Variants in GUCY2C observed in about 807,000 individuals in gnomAD.
GUCY2C encodes the protein guanylate cyclase 2C.
A neutral mutation model predicts 131.1 loss-of-function variants in GUCY2C; 118 were observed. That is an observed-to-expected ratio of 0.90 (90% CI 0.78 to 1.05). GUCY2C has a LOEUF of 1.05. GUCY2C is among the 50% of genes least tolerant of loss of function. The probability of loss-of-function intolerance (pLI) is 0.00; values close to 1 mark genes in which losing one functional copy is unlikely to be tolerated. For synonymous variants in GUCY2C, 452 were observed against 457.8 expected, an observed-to-expected ratio of 0.99 and a Z score of 0.16; for missense variants, 1,161 against 1,304.4, an observed-to-expected ratio of 0.89 and a Z score of 1.69.
In GUCY2C at chr12:14,613,326, T is replaced by C; in HGVS notation, c.3048-35A>G. 1.3e-6 allele frequency: 2 copies of C among 1,500,596 alleles called. No homozygotes were observed. Among genetic ancestry groups the C allele is most frequent in the Non-Finnish European group, 1.9e-6 (2 of 1,077,376 alleles). The allele number at this position is 1,500,596 out of a possible 1,614,324, so 93.0% of individuals were successfully genotyped here. The stretch of plus-strand genomic sequence containing the variant: ...GAGTGGGAAGAGAAAATAGAACTTC[T>C]CAGCAATTCATACAGAATATTCCTT... On this transcript the variant is annotated intron_variant, in intron 26 of 26. Transcript: ENST00000261170. This position sits in a 1 kb window ranked among gnomAD's most constrained non-coding sequence, Gnocchi z 4.9.
intron 24 of GUCY2C, among the ~76,000 whole-genome samples, chr12:14,618,360 A>T (rs1009321689): frequency 2.6e-5 from 4 of 152,080 alleles, no homozygotes; most frequent in African/African-American, 4.8e-5. Context: ...AGAAAAAATT[A>T]AAAAATTAGC....
chr12:14,694,622 C>A (rs753907215), intron 1 of GUCY2C, among the ~76,000 whole-genome samples: 1 of 152,172 alleles, frequency 6.6e-6, no homozygotes, highest in Non-Finnish European at 1.5e-5. Flanking sequence ...GGGGACTTCA[C>A]TAAATAACCT....
chr12:14,693,298 TG>T lies in GUCY2C; in HGVS notation c.217+2933del, dbSNP rs1040377442. Among the ~76,000 whole-genome samples, 16 of 152,142 alleles carry T rather than the reference TG, an allele frequency of 1.1e-4. 1 individual carries two copies. In the South Asian group the frequency reaches 2.9e-3, roughly 28 times the overall value. On this transcript the variant is annotated intron_variant, in intron 1 of 26. Transcript: ENST00000261170. ...AAACCTTGGTGCTAGGGTCTAGGAG[TG>T]GGACCAGCTCAGCACAAGGGAGCAC...
intron 13 of GUCY2C, 57 bp downstream of exon 13, chr12:14,652,895 G>T (rs1947692828): frequency 2.7e-6 from 3 of 1,109,670 alleles, no homozygotes; most frequent in South Asian, 1.2e-5. Context: ...GGCAATGAGG[G>T]GTCAAAAGGC....
chr12:14,665,980 G>C (rs1254252186), intron 10 of GUCY2C: 1 of 152,268 alleles, frequency 6.6e-6, no homozygotes, highest in African/African-American at 2.4e-5. Flanking sequence ...AGTTTAATAG[G>C]CAGGAAAGAA....
At chr12:14,664,620 C>G (rs1351462123) in intron 10 of GUCY2C, among the ~76,000 whole-genome samples, 1 of 152,162 alleles carries the variant, frequency 6.6e-6, no homozygotes, top group African/African-American at 2.4e-5. Context: ...CTGCTGCCTT[C>G]TGGTGGCTGC....
intron 13 of GUCY2C, among the ~76,000 whole-genome samples, chr12:14,652,318 G>A (rs772833451): frequency 2.0e-5 from 3 of 152,036 alleles, no homozygotes; most frequent in Non-Finnish European, 4.4e-5. Flanking sequence ...GGGACTACAG[G>A]CATGCACCAC....
rs1257973551 is a variant in GUCY2C at position 14,674,722 on chromosome 12, G to A, written c.987C>T (p.Ile329=). 1 of 1,611,224 alleles carries A rather than the reference G, an allele frequency of 6.2e-7. No homozygotes were observed. The highest frequency in any genetic ancestry group is 1.1e-5 in the South Asian group (1 of 90,982). ...RDFALAYLNG[I]LLFGHMLKIF... ...TCTTCAGCATATGTCCAAAGAGCAG[G>A]ATTCCATTCAAATAGGCAAGAGCAA... Residue 329 remains isoleucine (I), a synonymous_variant, in exon 8 of 27, where the codon ATC becomes ATT. Transcript: ENST00000261170.
intron 11 of GUCY2C, among the ~76,000 whole-genome samples, chr12:14,658,125 G>A (rs1412540054): frequency 6.6e-6 from 1 of 151,908 alleles, no homozygotes; most frequent in Non-Finnish European, 1.5e-5. Context: ...ATAGAATTAT[G>A]TATTTATAAT....
rs753877259 is a variant in GUCY2C at position 14,681,375 on chromosome 12, G to A, written c.714C>T (p.Asp238=). ...QDKEFQDILM[D]HNRKSNVIIM... The stretch of plus-strand genomic sequence containing the variant: ...TCTTACCATTGCTTTTCCTGTTGTG[G>A]TCCATTAAGATATCCTGAAACTCCT... The change falls in exon 5 of 27, where the codon GAC becomes GAT. Residue 238 remains aspartate, a synonymous_variant. Transcript: ENST00000261170. 2.1e-5 allele frequency: 34 copies of A among 1,612,394 alleles called. No individual in the cohort carries two copies. Among genetic ancestry groups the A allele is most frequent in the Non-Finnish European group, 2.8e-5 (33 of 1,178,802 alleles).
chr12:14,614,767 A>G, intron 26 of GUCY2C, 100 bp downstream of exon 26: 1 of 685,180 alleles, frequency 1.5e-6, no homozygotes, highest in Non-Finnish European at 2.5e-6. Context: ...CTTATGCAAT[A>G]TATGCCACTT....
At chr12:14,678,002 G>C (rs1180896662) in intron 6 of GUCY2C, among the ~76,000 whole-genome samples, 1 of 152,032 alleles carries the variant, frequency 6.6e-6, no homozygotes, top group African/African-American at 2.4e-5. Flanking sequence ...TTTTTTAGGA[G>C]ACAAGGTCTT....
intron 8 of GUCY2C, among the ~76,000 whole-genome samples, chr12:14,673,970 C>T (rs1192839301): frequency 6.6e-6 from 1 of 152,192 alleles, no homozygotes; most frequent in Non-Finnish European, 1.5e-5. Context: ...CAGAGAAAGT[C>T]ACTTACACTG....
At chr12:14,628,291 A>G (rs916102850) in intron 20 of GUCY2C, among the ~76,000 whole-genome samples, 2 of 152,194 alleles carry the variant, frequency 1.3e-5, no homozygotes, top group Admixed American at 6.5e-5. Context: ...GCTGATGTTA[A>G]TAATTGTCTA....
intron 8 of GUCY2C, chr12:14,674,358 A>G (rs1185040349): frequency 2.1e-6 from 1 of 478,208 alleles, no homozygotes; most frequent in Non-Finnish European, 3.8e-6. Flanking sequence ...AAAATGCCTT[A>G]TGATGAGCTT....
chr12:14,651,518 G>A lies in GUCY2C; in HGVS notation c.1606-7C>T. 6.7e-7 allele frequency: 1 copy of A among 1,502,796 alleles called. No homozygotes were observed. Among genetic ancestry groups the A allele is most frequent in the African/African-American group, 1.4e-5 (1 of 72,736 alleles). 93.1% of individuals were successfully genotyped at this position (1,502,796 alleles called of 1,614,324 possible). ...AATAGTCAATCTGAAGCAACTAGAA[G>A]AACGTGTTTGTTTACAAAGCAAATT... On this transcript the variant is annotated splice_region_variant and splice_polypyrimidine_tract_variant and intron_variant, in intron 14 of 26. Coordinates refer to ENST00000261170, the MANE Select transcript of GUCY2C (RefSeq NM_004963.4).
chr12:14,679,810 C>A, intron 5 of GUCY2C, 57 bp from the exon 6 acceptor site: 1 of 860,400 alleles, frequency 1.2e-6, no homozygotes, highest in South Asian at 1.4e-5. Flanking sequence ...GACAAACAGG[C>A]AGGGAACCAG....
Position 14,649,424 on chromosome 12 carries a change from A to T in GUCY2C, c.1710+1983T>A, listed in dbSNP as rs547131252. On this transcript the variant is annotated intron_variant, in intron 15 of 26. Coordinates refer to ENST00000261170, the MANE Select transcript of GUCY2C (RefSeq NM_004963.4). ...TATAAAAACTATTTTAAACTTAAAC[A>T]AAAACATGAACATACTCCAAATTCA... Among the ~76,000 whole-genome samples the T allele has an allele frequency of 6.6e-5, 10 of 152,350 alleles. No individual in the cohort carries two copies. The East Asian group carries it at 1.9e-3, about 29-fold the overall frequency.
rs538637594 is a variant in GUCY2C at position 14,668,194 on chromosome 12, G to A, written c.1282+1528C>T. Among the ~76,000 whole-genome samples, 8 of 149,604 alleles carry A rather than the reference G, an allele frequency of 5.3e-5. 1 individual carries two copies. In the East Asian group the frequency reaches 1.4e-3, roughly 26 times the overall value. ...ATTTATATATATATATTTTTGAGAC[G>A]GAGTCTTGCTCTGTTCCCCAGGCTG... On this transcript the variant is annotated intron_variant, in intron 10 of 26. Coordinates refer to ENST00000261170, the MANE Select transcript of GUCY2C (RefSeq NM_004963.4).
Sources: gnomAD v4.1 joint callset for allele counts (sites outside exome capture counted in the v4.1 genomes callset) on GRCh38, gnomAD v4.1.1 for gene constraint, Gnocchi (gnomAD v3.1) non-coding constraint, MANE v1.5 for transcripts, NCBI Gene and HGNC (gene_info 2026-07-23, HGNC 2026-07-21) for gene names.